IRF5: variants seen among roughly 807,000 people sequenced by gnomAD.
The protein encoded by IRF5 is interferon regulatory factor 5.
Under a neutral mutation model 55.1 loss-of-function variants are expected in IRF5, and 24 were observed. The observed-to-expected ratio is 0.44, with a 90% CI of 0.32 to 0.61. The LOEUF is 0.61. Among genes scored for constraint, IRF5 ranks in the 20% least tolerant of loss-of-function variants. The pLI is 0.07. For missense variants in IRF5, 499 were observed against 658.5 expected (o/e 0.76, Z 2.65); for synonymous variants, 258 against 260.2 (o/e 0.99, Z 0.08).
At position 128,946,561 on chromosome 7, in the gene IRF5, A is replaced by G; in HGVS notation, c.446A>G (p.Glu149Gly). The G allele has an allele frequency of 6.3e-6, 10 of 1,596,376 alleles. No homozygotes were observed. The highest frequency in any genetic ancestry group is 8.6e-6 in the Non-Finnish European group (10 of 1,169,022). Residue 149 changes from glutamate to glycine, a missense_variant and splice_region_variant, in exon 4 of 9, where the codon GAG becomes GGG. By Grantham distance (98) the Glu-to-Gly change is moderately conservative. This residue lies in a region of IRF5 where 305 missense variants were observed against 340.2 expected (regional missense o/e 0.90). Transcript: ENST00000357234. The surrounding 1 kb of genome is among the most constrained non-coding windows in gnomAD (Gnocchi z 4.2). ...GAGEEEEEEE[E>G]LQRMLPSLSL... ...GGAGAGGAGGAGGAAGAAGAGGAAGAGGTGAGTGTGGGTTGAGGAGGCAGG... is the reference window on the plus strand; with the variant it reads ...GGAGAGGAGGAGGAAGAAGAGGAAGGGGTGAGTGTGGGTTGAGGAGGCAGG...
intron 2 of IRF5, among the ~76,000 whole-genome samples, chr7:128,944,672 GGAACTA>G: frequency 6.6e-6 from 1 of 152,162 alleles, no homozygotes; most frequent in Non-Finnish European, 1.5e-5. Context: ...AAGCAAATAT[GGAACTA>G]TCCTTTCCTC....
Position 128,948,679 on chromosome 7 carries a change from G to T in IRF5, c.1406G>T (p.Arg469Leu), listed in dbSNP as rs200918740. ...LQISNPDLKDRMVEQFKELHH... is the reference protein window; with the variant it reads ...LQISNPDLKDLMVEQFKELHH... Reference sequence around the variant, plus strand: ...ATCTCAAACCCAGACCTCAAAGACCGCATGGTGGAGCAATTCAAGGAGCTC... The same window carrying T: ...ATCTCAAACCCAGACCTCAAAGACCTCATGGTGGAGCAATTCAAGGAGCTC... Residue 469 changes from arginine to leucine, a missense_variant, in exon 9 of 9, where the codon CGC (arginine) becomes CTC (leucine). By Grantham distance (102) the Arg-to-Leu change is moderately radical (BLOSUM62 -2). Transcript: ENST00000357234. The surrounding 1 kb of genome is among the most constrained non-coding windows in gnomAD (Gnocchi z 4.6). 2 of 1,614,052 alleles carry T rather than the reference G, an allele frequency of 1.2e-6. No individual in the cohort carries two copies. Among genetic ancestry groups the T allele is most frequent in the African/African-American group, 2.7e-5 (2 of 74,938 alleles).
chr7:128,946,981 C>G lies in IRF5; in HGVS notation c.448-42C>G. 1 of 1,612,792 alleles carries G rather than the reference C, an allele frequency of 6.2e-7. No individual in the cohort carries two copies. The highest frequency in any genetic ancestry group is 8.5e-7 in the Non-Finnish European group (1 of 1,179,036). On this transcript the variant is annotated intron_variant, in intron 4 of 8. Coordinates refer to ENST00000357234, the MANE Select transcript of IRF5 (RefSeq NM_001098629.3). The surrounding 1 kb of genome is among the most constrained non-coding windows in gnomAD (Gnocchi z 4.2). ...TCAGTGGAATAACCTGTCCTCCTTT[C>G]TCTCCCATCTCTTCCCTCCCTTGCT...
At chr7:128,943,773 G>T (rs1288453268) in intron 2 of IRF5, among the ~76,000 whole-genome samples, 7 of 120,066 alleles carry the variant, frequency 5.8e-5, no homozygotes, top group Admixed American at 4.5e-4. Flanking sequence ...GTTTCACCCT[G>T]TTGGCCAGGC....
chr7:128,942,284 C>T lies in IRF5; in HGVS notation c.195+8C>T, dbSNP rs1585294772. 1 of 1,603,976 alleles carries T rather than the reference C, an allele frequency of 6.2e-7. No individual in the cohort carries two copies. The highest frequency in any genetic ancestry group is 1.3e-5 in the African/African-American group (1 of 74,748). Reference sequence around the variant, plus strand: ...GATAACACCATCTTCAAGGTAAGCCCCGGGGAGGAGGTTGGCTGGACCTCC... The same window carrying T: ...GATAACACCATCTTCAAGGTAAGCCTCGGGGAGGAGGTTGGCTGGACCTCC... On this transcript the variant is annotated splice_region_variant and intron_variant, in intron 2 of 8. Coordinates refer to ENST00000357234, the MANE Select transcript of IRF5 (RefSeq NM_001098629.3).
At position 128,948,742 on chromosome 7, in the gene IRF5, T is replaced by C. The variant is rs1796469427; in HGVS notation, c.1469T>C (p.Val490Ala). 1.2e-6 allele frequency: 2 copies of C among 1,613,330 alleles called. No individual in the cohort carries two copies. The highest frequency in any genetic ancestry group is 2.2e-5 in the East Asian group (1 of 44,880). Residue 490 changes from valine (V) to alanine (A), a missense_variant, in exon 9 of 9, where the codon GTG becomes GCG. Val to Ala is a moderately conservative substitution (Grantham distance 64). This residue lies in a region of IRF5 where 194 missense variants were observed against 318.3 expected (regional missense o/e 0.61). Coordinates refer to ENST00000357234, the MANE Select transcript of IRF5 (RefSeq NM_001098629.3). This position sits in a 1 kb window ranked among gnomAD's most constrained non-coding sequence, Gnocchi z 4.6. The part of the protein sequence containing the change: ...IWQSQQRLQP[V>A]AQAPPGAGLG... ...CAGTCCCAGCAGCGGTTGCAGCCTG[T>C]GGCCCAGGCCCCTCCTGGAGCAGGC... is the stretch of plus-strand genomic sequence containing the variant.
At chr7:128,944,253 T>G (rs143243878) in intron 2 of IRF5, among the ~76,000 whole-genome samples, 3 of 152,314 alleles carry the variant, frequency 2.0e-5, no homozygotes, top group South Asian at 2.1e-4. Context: ...AGTCTTGGTT[T>G]TTAGATACTT....
In IRF5 at chr7:128,946,729, G is replaced by T; in HGVS notation, c.447+167G>T. ...AACGATAGGAGCACAGTCCCCACCT[G>T]CTCCTTCCCAGGGCATTGTCATTAC... On this transcript the variant is annotated intron_variant, in intron 4 of 8. Coordinates refer to ENST00000357234, the MANE Select transcript of IRF5 (RefSeq NM_001098629.3). The surrounding 1 kb of genome is among the most constrained non-coding windows in gnomAD (Gnocchi z 4.2). The T allele has an allele frequency of 1.6e-6, 1 of 641,028 alleles. No homozygotes were observed. 39.7% of individuals were successfully genotyped at this position (641,028 alleles called of 1,614,324 possible).
rs375199151 is a variant in IRF5, at chr7:128,947,050, C to T, written c.475C>T (p.Leu159Phe). 2 of 1,614,138 alleles carry T rather than the reference C, an allele frequency of 1.2e-6. No homozygotes were observed. Among genetic ancestry groups the T allele is most frequent in the Non-Finnish European group, 1.7e-6 (2 of 1,180,006 alleles). The change falls in exon 5 of 9, where the codon CTC becomes TTC. Residue 159 changes from leucine (L) to phenylalanine (F), a missense_variant. This residue lies in a region of IRF5 where 305 missense variants were observed against 340.2 expected (regional missense o/e 0.90). Coordinates refer to ENST00000357234, the MANE Select transcript of IRF5 (RefSeq NM_001098629.3). The surrounding 1 kb of genome is among the most constrained non-coding windows in gnomAD (Gnocchi z 6.5). ...ELQRMLPSLS[L>F]TDAVQSGPHM... ...GCAGAGGATGTTGCCAAGCCTGAGC[C>T]TCACAGGTGGGGCCGGGAGGTGGTG...
chr7:128,938,078 C>T (rs916875962), intron 1 of IRF5, 29 bp downstream of exon 1: 1 of 152,176 alleles, frequency 6.6e-6, no homozygotes, highest in Admixed American at 6.5e-5. Context: ...GCTCTCCTCT[C>T]TGCGTCCGCG....
At position 128,949,628 on chromosome 7, in the gene IRF5, GCA is replaced by G. The variant is rs766083565; in HGVS notation, c.*813_*814del. ...CAAGGGTGTGGAATTTTAAATGTGT[GCA>G]CAGTCTGGAAAACTGTCAGAATCAG... On this transcript the variant is annotated 3_prime_UTR_variant, in exon 9 of 9. Transcript: ENST00000357234. 5 of 152,198 alleles carry G rather than the reference GCA, an allele frequency of 3.3e-5. No homozygotes were observed. Among genetic ancestry groups the G allele is most frequent in the Non-Finnish European group, 7.3e-5 (5 of 68,038 alleles). The allele number at this position is 152,198 out of a possible 1,614,324, so 9.4% of individuals were successfully genotyped here.
rs2128964401 is a variant in IRF5 at position 128,947,153 on chromosome 7, C to T, written c.482-77C>T. The T allele has an allele frequency of 1.9e-6, 3 of 1,608,868 alleles. No individual in the cohort carries two copies. Among genetic ancestry groups the T allele is most frequent in the East Asian group, 2.2e-5 (1 of 44,822 alleles). On this transcript the variant is annotated intron_variant, in intron 5 of 8. Transcript: ENST00000357234. This position sits in a 1 kb window ranked among gnomAD's most constrained non-coding sequence, Gnocchi z 6.5. ...GGGCTGATGGGAGGCTAGGGTGGCC[C>T]AGGGCTGGGAGGAGGTGTGCCTGGG...
At chr7:128,943,456 C>A in intron 2 of IRF5, among the ~76,000 whole-genome samples, 1 of 150,812 alleles carries the variant, frequency 6.6e-6, no homozygotes, top group Admixed American at 6.6e-5. Context: ...AGTCATAGCA[C>A]AACCTCCAAC....
Position 128,948,342 on chromosome 7 carries a change from A to C in IRF5, c.1299+14A>C. On this transcript the variant is annotated intron_variant, in intron 8 of 8. Transcript: ENST00000357234. This position sits in a 1 kb window ranked among gnomAD's most constrained non-coding sequence, Gnocchi z 4.6. ...ATTACTGTACAGGTACATCTCCCCT[A>C]TCCCAAAGTCGGCCTTGGCTTGAAA... is the stretch of plus-strand genomic sequence containing the variant. 1 of 1,567,740 alleles carries C rather than the reference A, an allele frequency of 6.4e-7. No individual in the cohort carries two copies. Among genetic ancestry groups the C allele is most frequent in the Non-Finnish European group, 8.6e-7 (1 of 1,158,876 alleles).
intron 1 of IRF5, chr7:128,941,310 C>G (rs891587267): frequency 1.3e-5 from 2 of 152,368 alleles, no homozygotes; most frequent in East Asian, 1.9e-4. Flanking sequence ...GGCGTTAGGG[C>G]CTTCCTAAGT....
At chr7:128,941,745 C>G (rs894708676) in intron 1 of IRF5, among the ~76,000 whole-genome samples, 9 of 152,140 alleles carry the variant, frequency 5.9e-5, no homozygotes, top group African/African-American at 2.2e-4. Context: ...TGGGCCTAAC[C>G]TGTGGTGTGA....
intron 2 of IRF5, 119 bp from the exon 3 acceptor site, chr7:128,945,726 A>T (rs1485796241): frequency 1.0e-6 from 1 of 957,344 alleles, no homozygotes; most frequent in Non-Finnish European, 1.5e-6. Flanking sequence ...GGGCTCAGCG[A>T]GGCTCAGCCT....
chr7:128,943,023 A>ATTTTTTTTTTTTTTTTTTTT (rs34539872), intron 2 of IRF5: 1 of 86,912 alleles, frequency 1.2e-5, no homozygotes, highest in African/African-American at 5.5e-5. Flanking sequence ...CCAGATTCCA[A>ATTTTTTTTTTTTTTTTTTTT]TTTTTTTTTT....
chr7:128,945,858 A>C lies in IRF5; in HGVS notation c.209A>C (p.Glu70Ala). Residue 70 changes from glutamate (E) to alanine (A), a missense_variant, in exon 3 of 9, where the codon GAG becomes GCG. Transcript: ENST00000357234. ...DNTIFKAWAKETGKYTEGVDE... is the reference protein window; with the variant it reads ...DNTIFKAWAKATGKYTEGVDE... Reference sequence around the variant, plus strand: ...TTCCTGCCCCAGGCCTGGGCCAAGGAGACAGGGAAATACACCGAAGGCGTG... The same window carrying C: ...TTCCTGCCCCAGGCCTGGGCCAAGGCGACAGGGAAATACACCGAAGGCGTG... 6.2e-7 allele frequency: 1 copy of C among 1,610,670 alleles called. No individual in the cohort carries two copies. Among genetic ancestry groups the C allele is most frequent in the East Asian group, 2.2e-5 (1 of 44,660 alleles).
Sources: gnomAD v4.1 joint callset for allele counts (sites outside exome capture counted in the v4.1 genomes callset) on GRCh38, gnomAD v4.1.1 for gene constraint, gnomAD v4.1.1 regional missense constraint, Gnocchi (gnomAD v3.1) non-coding constraint, MANE v1.5 for transcripts, NCBI Gene and HGNC (gene_info 2026-07-23, HGNC 2026-07-21) for gene names.